TTC17: variants seen among roughly 807,000 people sequenced by gnomAD.
TTC17 encodes the protein tetratricopeptide repeat protein 17.
A neutral mutation model predicts 143.8 loss-of-function variants in TTC17; 58 were observed. That is an observed-to-expected ratio of 0.40 (90% CI 0.33 to 0.50). TTC17 has a LOEUF of 0.50. Ranked by LOEUF, TTC17 falls within the 20% of genes least tolerant of loss-of-function variation. The probability of loss-of-function intolerance (pLI) is 0.49; values close to 1 mark genes in which losing one functional copy is unlikely to be tolerated. For synonymous variants in TTC17, 501 were observed against 497.8 expected (o/e 1.01, Z -0.09); for missense variants, 1,273 against 1,392.5 (o/e 0.91, Z 1.37).
At position 43,444,537 on chromosome 11, in the gene TTC17, A is replaced by G. The variant is rs1947496221; in HGVS notation, c.2665+328A>G. On this transcript the variant is annotated intron_variant, in intron 18 of 23. Coordinates refer to ENST00000039989, the MANE Select transcript of TTC17 (RefSeq NM_018259.6). ...GAAAATAATAATTCTGACACTGGAA[A>G]GTACCACAAAATAAGACAAAGGACT... 1.7e-5 allele frequency: 3 copies of G among 175,864 alleles called. No individual in the cohort carries two copies. In the South Asian group the frequency reaches 5.6e-4, roughly 33 times the overall value. The allele number at this position is 175,864 out of a possible 1,614,324, so 10.9% of individuals were successfully genotyped here.
intron 1 of TTC17, among the ~76,000 whole-genome samples, chr11:43,362,477 C>T (rs543184921): frequency 6.6e-6 from 1 of 152,102 alleles, no homozygotes; most frequent in African/African-American, 2.4e-5. Flanking sequence ...ATGGTACATC[C>T]TTTGGTGGGT....
At chr11:43,434,749 A>G (rs1947246968) in intron 16 of TTC17, among the ~76,000 whole-genome samples, 1 of 152,158 alleles carries the variant, frequency 6.6e-6, no homozygotes, top group South Asian at 2.1e-4. Context: ...TTGTTTGTCG[A>G]TTTCTTGAGA....
At chr11:43,450,977 A>AT (rs1354922904) in intron 20 of TTC17, among the ~76,000 whole-genome samples, 1 of 152,044 alleles carries the variant, frequency 6.6e-6, no homozygotes, top group Non-Finnish European at 1.5e-5. Flanking sequence ...ACATTCTGTA[A>AT]TTTTTGTTAA....
At chr11:43,411,024 C>G (rs1273245088) in intron 15 of TTC17, among the ~76,000 whole-genome samples, 1 of 152,124 alleles carries the variant, frequency 6.6e-6, no homozygotes, top group Non-Finnish European at 1.5e-5. Context: ...GCCATTGTCC[C>G]CCAGTCTGTT....
intron 21 of TTC17, among the ~76,000 whole-genome samples, chr11:43,474,145 A>G (rs765015921): frequency 6.6e-6 from 1 of 152,194 alleles, no homozygotes; most frequent in Non-Finnish European, 1.5e-5. Flanking sequence ...TTCCCTGTGG[A>G]TGTACATTAT....
intron 1 of TTC17, among the ~76,000 whole-genome samples, chr11:43,373,068 T>C (rs1163357460): frequency 1.3e-5 from 2 of 152,200 alleles, no homozygotes; most frequent in Non-Finnish European, 2.9e-5. Flanking sequence ...ATGATATATA[T>C]CTAACAGCAG....
intron 11 of TTC17, 40 bp from the exon 12 acceptor site, chr11:43,405,474 A>C: frequency 1.4e-6 from 2 of 1,463,532 alleles, no homozygotes; most frequent in Non-Finnish European, 1.9e-6. Flanking sequence ...TGAAATATTG[A>C]ATCCAAAGAA....
chr11:43,370,294 T>A (rs1856513401), intron 1 of TTC17: 1 of 266,922 alleles, frequency 3.7e-6, no homozygotes, highest in Non-Finnish European at 7.6e-6. Context: ...CATAGTAGCC[T>A]GGAAGGGATC....
chr11:43,486,299 C>A, intron 21 of TTC17: 1 of 272,628 alleles, frequency 3.7e-6, no homozygotes, highest in South Asian at 3.5e-5. Flanking sequence ...ATGAAACCAC[C>A]TGCTGTTGGG....
At position 43,494,200 on chromosome 11, in the gene TTC17, CA is replaced by C; in HGVS notation, c.*301del. 2 of 223,344 alleles carry C rather than the reference CA, an allele frequency of 9.0e-6. No individual in the cohort carries two copies. The highest frequency in any genetic ancestry group is 9.6e-5 in the South Asian group (1 of 10,448). The allele number at this position is 223,344 out of a possible 1,614,324, so 13.8% of individuals were successfully genotyped here. On this transcript the variant is annotated 3_prime_UTR_variant, in exon 24 of 24. Transcript: ENST00000039989. ...CATTTCTGGAGCTGTGCTCTGTCTC[CA>C]AAAACCTCAATGCCTTTAGGGCTTT...
At chr11:43,450,345 G>A in intron 20 of TTC17, 104 bp downstream of exon 20, 1 of 1,346,926 alleles carries the variant, frequency 7.4e-7, no homozygotes, top group Non-Finnish European at 9.8e-7. Flanking sequence ...AAAAAAAATA[G>A]GGGCTTTTTT....
At chr11:43,446,117 C>A (rs1947534659) in intron 18 of TTC17, 3 of 1,428,000 alleles carry the variant, frequency 2.1e-6, no homozygotes, top group Non-Finnish European at 2.7e-6. Context: ...CCTTTACAGC[C>A]CGCCTCTGTG....
At position 43,490,297 on chromosome 11, in the gene TTC17, A is replaced by G. The variant is rs765738811; in HGVS notation, c.3089A>G (p.Gln1030Arg). ...MAALYWRVKG[Q>R]GKKAIDCLRQ... ...GCCCTCTACTGGAGGGTGAAAGGCCAAGGAAAGAAGGCAATCGACTGCCTC... is the reference window on the plus strand; with the variant it reads ...GCCCTCTACTGGAGGGTGAAAGGCCGAGGAAAGAAGGCAATCGACTGCCTC... Residue 1030 changes from glutamine (Q) to arginine (R), a missense_variant, in exon 22 of 24, where the codon CAA becomes CGA. Gln to Arg is a conservative substitution (Grantham distance 43). Around this residue, in one of 3 missense-constraint regions of TTC17, gnomAD observed 878 missense variants for 899.8 expected, o/e 0.98. Coordinates refer to ENST00000039989, the MANE Select transcript of TTC17 (RefSeq NM_018259.6). 3.1e-6 allele frequency: 5 copies of G among 1,613,050 alleles called. No homozygotes were observed. The highest frequency in any genetic ancestry group is 1.1e-5 in the South Asian group (1 of 90,758).
chr11:43,483,608 G>GA (rs567415697), intron 21 of TTC17, among the ~76,000 whole-genome samples: 2 of 151,932 alleles, frequency 1.3e-5, no homozygotes, highest in South Asian at 4.2e-4. Context: ...CAAATTAAAG[G>GA]AAAAAAACTA....
At chr11:43,437,489 TAA>T (rs1431984068) in intron 16 of TTC17, among the ~76,000 whole-genome samples, 1 of 152,172 alleles carries the variant, frequency 6.6e-6, no homozygotes, top group Non-Finnish European at 1.5e-5. Context: ...CACTGTTAAC[TAA>T]CTTTTTGTGC....
chr11:43,448,700 C>T (rs1450159962), intron 19 of TTC17: 1 of 152,282 alleles, frequency 6.6e-6, no homozygotes, highest in Non-Finnish European at 1.5e-5. Context: ...ATCTCCAGAC[C>T]AGATCTTTTT....
At chr11:43,480,419 G>A (rs1052474250) in intron 21 of TTC17, among the ~76,000 whole-genome samples, 3 of 152,126 alleles carry the variant, frequency 2.0e-5, no homozygotes, top group African/African-American at 7.2e-5. Flanking sequence ...CTAGAATTGT[G>A]TGACCTACAA....
chr11:43,421,635 G>A (rs903236585), intron 16 of TTC17, among the ~76,000 whole-genome samples: 3 of 152,128 alleles, frequency 2.0e-5, no homozygotes, highest in African/African-American at 7.2e-5. Flanking sequence ...TAGGTTACAC[G>A]ATCCTTATGA....
chr11:43,459,015 C>A (rs749105078), intron 21 of TTC17, among the ~76,000 whole-genome samples: 29 of 152,162 alleles, frequency 1.9e-4, no homozygotes, highest in Non-Finnish European at 3.2e-4. Context: ...CAGGCATACA[C>A]CGGGGGTCTT....
Sources: allele counts gnomAD v4.1 joint callset (sites outside exome capture counted in the v4.1 genomes callset), GRCh38; gene constraint gnomAD v4.1.1; regional missense constraint gnomAD v4.1.1; transcripts MANE v1.5; gene names NCBI Gene and HGNC (gene_info 2026-07-23, HGNC 2026-07-21).